Variants in PPP1R3A observed in about 807,000 individuals in gnomAD.
PPP1R3A encodes the protein protein phosphatase 1 regulatory subunit 3A, also known as RG1.
PPP1R3A carries 29 observed loss-of-function variants against 41.7 expected under a neutral mutation model. That is an observed-to-expected ratio of 0.70 (90% confidence interval 0.52 to 0.95). The LOEUF is 0.95. Ranked by LOEUF, PPP1R3A falls within the 40% of genes least tolerant of loss-of-function variation. The probability of loss-of-function intolerance (pLI) is 0.00; values close to 1 mark genes in which losing one functional copy is unlikely to be tolerated. For synonymous variants in PPP1R3A, 485 were observed against 453.4 expected (o/e 1.07, Z -0.89); for missense variants, 1,352 against 1,292.4 (o/e 1.05, Z -0.71).
Position 113,878,970 on chromosome 7 carries a change from T to C in PPP1R3A, c.2122A>G (p.Thr708Ala), listed in dbSNP as rs141736481. 4.3e-4 allele frequency: 689 copies of C among 1,613,404 alleles called. No individual in the cohort carries two copies. Among genetic ancestry groups the C allele is most frequent in the Non-Finnish European group, 5.7e-4 (670 of 1,179,818 alleles). ...TTEELFTCQE[T>A]VCCELSSLAD... The stretch of plus-strand genomic sequence containing the variant: ...AGAGAAGACAGTTCACAGCACACTG[T>C]TTCTTGGCAGGTAAACAATTCTTCT... The change falls in exon 4 of 4, where the codon ACA becomes GCA. Residue 708 changes from threonine to alanine, a missense_variant. Coordinates refer to ENST00000284601, the MANE Select transcript of PPP1R3A (RefSeq NM_002711.4).
chr7:113,918,354 C>A lies in PPP1R3A; in HGVS notation c.643G>T (p.Val215Phe), dbSNP rs755371501. ...VEFCIRYETSVGTFWSNNNGT... is the reference protein window; with the variant it reads ...VEFCIRYETSFGTFWSNNNGT... ...TTATTATTTGACCAAAATGTACCAA[C>A]AGAAGTTTCATAACGTATACAAAAC... Residue 215 changes from valine to phenylalanine, a missense_variant, in exon 1 of 4, where the codon GTT becomes TTT. Coordinates refer to ENST00000284601, the MANE Select transcript of PPP1R3A (RefSeq NM_002711.4). 6.2e-7 allele frequency: 1 copy of A among 1,613,338 alleles called. No homozygotes were observed. Among genetic ancestry groups the A allele is most frequent in the African/African-American group, 1.3e-5 (1 of 74,986 alleles).
intron 1 of PPP1R3A, among the ~76,000 whole-genome samples, chr7:113,911,779 C>T (rs1294495244): frequency 2.0e-5 from 3 of 151,982 alleles, no homozygotes; most frequent in Non-Finnish European, 2.9e-5. Flanking sequence ...TAGCCTGGGT[C>T]CTGGTAGCAG....
intron 1 of PPP1R3A, among the ~76,000 whole-genome samples, chr7:113,915,789 C>T (rs1797333411): frequency 6.6e-6 from 1 of 151,698 alleles, no homozygotes; most frequent in African/African-American, 2.4e-5. Flanking sequence ...AGTATTAGTT[C>T]ATTTTTATTT....
rs1432201432 is a variant in PPP1R3A at position 113,918,941 on chromosome 7, G to C, written c.56C>G (p.Pro19Arg). 1 of 1,612,786 alleles carries C rather than the reference G, an allele frequency of 6.2e-7. No individual in the cohort carries two copies. Among genetic ancestry groups the C allele is most frequent in the Non-Finnish European group, 8.5e-7 (1 of 1,179,308 alleles). The change falls in exon 1 of 4, where the codon CCT (proline) becomes CGT (arginine). Residue 19 changes from proline (P) to arginine (R), a missense_variant. Coordinates refer to ENST00000284601, the MANE Select transcript of PPP1R3A (RefSeq NM_002711.4). ...QISKDNFLEV[P>R]NLSDSLCEDE... ...TTCACAAAGAGAGTCAGATAAATTAGGAACTTCTAAAAAATTATCTTTGCT... is the reference window on the plus strand; with the variant it reads ...TTCACAAAGAGAGTCAGATAAATTACGAACTTCTAAAAAATTATCTTTGCT...
At chr7:113,911,492 T>C (rs886454065) in intron 1 of PPP1R3A, among the ~76,000 whole-genome samples, 1 of 152,144 alleles carries the variant, frequency 6.6e-6, no homozygotes, top group African/African-American at 2.4e-5. Flanking sequence ...CTTCTATTCA[T>C]AGGCATAAAG....
chr7:113,907,399 T>C (rs925557699), intron 1 of PPP1R3A, among the ~76,000 whole-genome samples: 1 of 151,714 alleles, frequency 6.6e-6, no homozygotes, highest in African/African-American at 2.4e-5. Context: ...GAAGGTGGTT[T>C]TGACATCAAA....
rs200523525 is a variant in PPP1R3A at position 113,916,209 on chromosome 7, AG to A, written c.782+2005del. Among the ~76,000 whole-genome samples, 776 of 152,112 alleles carry A rather than the reference AG, an allele frequency of 5.1e-3. 6 individuals carry two copies. Among genetic ancestry groups the A allele is most frequent in the African/African-American group, 0.018 (738 of 41,536 alleles). On this transcript the variant is annotated intron_variant, in intron 1 of 3. Coordinates refer to ENST00000284601, the MANE Select transcript of PPP1R3A (RefSeq NM_002711.4). ...ATGTATTTGTGGTTTTGAGGGAGAG[AG>A]ATTTTTTCCATTTTTATAACTCATT... is the stretch of plus-strand genomic sequence containing the variant.
Position 113,918,376 on chromosome 7 carries a change from A to C in PPP1R3A, c.621T>G (p.Phe207Leu). 6.2e-7 allele frequency: 1 copy of C among 1,613,540 alleles called. No individual in the cohort carries two copies. Among genetic ancestry groups the C allele is most frequent in the Non-Finnish European group, 8.5e-7 (1 of 1,179,680 alleles). The change falls in exon 1 of 4, where the codon TTT (phenylalanine) becomes TTG (leucine). Residue 207 changes from phenylalanine (F) to leucine (L), a missense_variant. Physicochemically the swap from Phe to Leu is conservative, Grantham distance 22. Coordinates refer to ENST00000284601, the MANE Select transcript of PPP1R3A (RefSeq NM_002711.4). The stretch of plus-strand genomic sequence containing the variant: ...CAACAGAAGTTTCATAACGTATACA[A>C]AACTCAACTTTACTGCCATCTTTTT... ...PYQKDGSKVE[F>L]CIRYETSVGT...
chr7:113,904,537 A>T (rs1797115507), intron 1 of PPP1R3A, among the ~76,000 whole-genome samples: 1 of 151,812 alleles, frequency 6.6e-6, no homozygotes, highest in African/African-American at 2.4e-5. Context: ...ACAGTTCATT[A>T]TACATGAGAT....
intron 1 of PPP1R3A, among the ~76,000 whole-genome samples, chr7:113,899,088 T>G (rs1797022140): frequency 6.6e-6 from 1 of 151,746 alleles, no homozygotes; most frequent in Admixed American, 6.6e-5. Context: ...TTGCAATTTT[T>G]TGGTTTCCTG....
rs1272412768 is a variant in PPP1R3A, at chr7:113,918,425, T to G, written c.572A>C (p.Lys191Thr). ...CDGETDQFSF[K>T]IVLVPPYQKD... ...TTGATAAGGAGGAACCAATACAATC[T>G]TAAAGGAGAACTGGTCAGTTTCACC... The change falls in exon 1 of 4, where the codon AAG becomes ACG. Residue 191 changes from lysine (K) to threonine (T), a missense_variant. Lys to Thr is a moderately conservative substitution (Grantham distance 78, BLOSUM62 -1). Coordinates refer to ENST00000284601, the MANE Select transcript of PPP1R3A (RefSeq NM_002711.4). The G allele has an allele frequency of 6.2e-7, 1 of 1,613,392 alleles. No homozygotes were observed. The highest frequency in any genetic ancestry group is 8.5e-7 in the Non-Finnish European group (1 of 1,179,664).
chr7:113,918,840 A>AC lies in PPP1R3A; in HGVS notation c.156_157insG (p.Tyr53ValfsTer10). On this transcript the variant is annotated frameshift_variant, in exon 1 of 4. Transcript: ENST00000284601. LOFTEE classifies it high-confidence loss of function. ...GTACCTGAAGATGGGGTATCCAGGT[A>AC]TATGTCTTCAGAAGAATCAGAACCT... The AC allele has an allele frequency of 6.2e-7, 1 of 1,613,922 alleles. No homozygotes were observed. Among genetic ancestry groups the AC allele is most frequent in the Admixed American group, 1.7e-5 (1 of 59,988 alleles).
At position 113,918,867 on chromosome 7, in the gene PPP1R3A, G is replaced by C. The variant is rs753345410; in HGVS notation, c.130C>G (p.Arg44Gly). The change falls in exon 1 of 4, where the codon CGA (arginine) becomes GGA (glycine). Residue 44 changes from arginine (R) to glycine (G), a missense_variant. Coordinates refer to ENST00000284601, the MANE Select transcript of PPP1R3A (RefSeq NM_002711.4). ...QPGFSPQPSR[R>G]GSDSSEDIYL... ...ATGTCTTCAGAAGAATCAGAACCTC[G>C]TCTACTTGGTTGAGGGGAGAAACCA... 3 of 1,613,700 alleles carry C rather than the reference G, an allele frequency of 1.9e-6. No homozygotes were observed. The East Asian group carries it at 6.7e-5, about 36-fold the overall frequency.
intron 1 of PPP1R3A, among the ~76,000 whole-genome samples, chr7:113,885,159 C>T (rs1419455492): frequency 4.6e-5 from 7 of 152,086 alleles, no homozygotes; most frequent in African/African-American, 7.2e-5. Context: ...GTTCCTGTGC[C>T]TCAGCCTCTC....
chr7:113,918,182 G>C lies in PPP1R3A; in HGVS notation c.782+33C>G. On this transcript the variant is annotated intron_variant, in intron 1 of 3. Coordinates refer to ENST00000284601, the MANE Select transcript of PPP1R3A (RefSeq NM_002711.4). ...AGAATGACATAAAAACTTTAAGATT[G>C]TGAATAATAAAATATGTAAGATATA... 3 of 1,540,706 alleles carry C rather than the reference G, an allele frequency of 1.9e-6. No homozygotes were observed. The South Asian group carries it at 3.7e-5, about 19-fold the overall frequency.
chr7:113,913,123 G>A (rs1277488833), intron 1 of PPP1R3A, among the ~76,000 whole-genome samples: 1 of 152,066 alleles, frequency 6.6e-6, no homozygotes, highest in African/African-American at 2.4e-5. Flanking sequence ...CCTTGCCAGA[G>A]GTCCCTCCTT....
Position 113,877,676 on chromosome 7 carries a change from T to C in PPP1R3A, c.*47A>G. 1 of 1,500,368 alleles carries C rather than the reference T, an allele frequency of 6.7e-7. No individual in the cohort carries two copies. The highest frequency in any genetic ancestry group is 2.3e-5 in the East Asian group (1 of 43,926). 92.9% of individuals were successfully genotyped at this position (1,500,368 alleles called of 1,614,324 possible). A position where few individuals can be genotyped will look rare whatever the true frequency, so the allele number is the denominator to read the frequency against. On this transcript the variant is annotated 3_prime_UTR_variant, in exon 4 of 4. Coordinates refer to ENST00000284601, the MANE Select transcript of PPP1R3A (RefSeq NM_002711.4). Reference sequence around the variant, plus strand: ...TAGTCCCATTCACCAATCCAAATGTTTGGGGTTAAATAGCTTATCTTTTAA... The same window carrying C: ...TAGTCCCATTCACCAATCCAAATGTCTGGGGTTAAATAGCTTATCTTTTAA...
chr7:113,884,507 A>G (rs187409317), intron 1 of PPP1R3A, among the ~76,000 whole-genome samples: 60 of 152,168 alleles, frequency 3.9e-4, no homozygotes, highest in African/African-American at 1.1e-3. Context: ...ATAGCATGTC[A>G]GACAATAGGA....
rs757050193 is a variant in PPP1R3A, at chr7:113,918,990, G to T, written c.7C>A (p.Pro3Thr). ME[P>T]SEVPSQISKD... ...CTAATCTGACTAGGTACTTCAGAAG[G>T]CTCCATTGGGCTCTCTGATATCAAA... is the stretch of plus-strand genomic sequence containing the variant. The change falls in exon 1 of 4, where the codon CCT becomes ACT. Residue 3 changes from proline (P) to threonine (T), a missense_variant. Coordinates refer to ENST00000284601, the MANE Select transcript of PPP1R3A (RefSeq NM_002711.4). The T allele has an allele frequency of 6.2e-7, 1 of 1,610,750 alleles. No individual in the cohort carries two copies. The highest frequency in any genetic ancestry group is 8.5e-7 in the Non-Finnish European group (1 of 1,177,420).
Sources: gnomAD v4.1 joint callset for allele counts (sites outside exome capture counted in the v4.1 genomes callset) on GRCh38, gnomAD v4.1.1 for gene constraint, MANE v1.5 for transcripts, NCBI Gene and HGNC (gene_info 2026-07-23, HGNC 2026-07-21) for gene names.